The following NR3C2 variants were observed in gnomAD, a reference collection of about 807,000 sequenced individuals.
The protein encoded by NR3C2 is mineralocorticoid receptor.
NR3C2 carries 15 observed loss-of-function variants against 86.4 expected under a neutral mutation model. The ratio of observed to expected loss-of-function variants is 0.17; its 90% CI spans 0.12 to 0.27. The LOEUF is 0.27. Among genes scored for constraint, NR3C2 ranks in the 10% least tolerant of loss-of-function variants. NR3C2 has a pLI of 1.00. For missense variants in NR3C2, 960 were observed against 1,195.6 expected (o/e 0.80, Z 2.91); for synonymous variants, 458 against 450.5 (o/e 1.02, Z -0.21).
intron 4 of NR3C2, among the ~76,000 whole-genome samples, chr4:148,185,253 G>C (rs979349441): frequency 1.3e-5 from 2 of 152,256 alleles, no homozygotes; most frequent in Non-Finnish European, 2.9e-5. Flanking sequence ...GTGAGTGACA[G>C]AGCAATGGCT....
intron 3 of NR3C2, among the ~76,000 whole-genome samples, chr4:148,204,510 T>A (rs1736903222): frequency 6.6e-6 from 1 of 152,216 alleles, no homozygotes; most frequent in South Asian, 2.1e-4. Context: ...GGTCATATTA[T>A]CCCCATTTTG....
chr4:148,307,175 A>G (rs930422234), intron 2 of NR3C2, among the ~76,000 whole-genome samples: 3 of 152,174 alleles, frequency 2.0e-5, no homozygotes, highest in African/African-American at 7.2e-5. Context: ...AAATGCAAAA[A>G]AAAAACTTGG....
chr4:148,134,637 C>CTTTTT (rs1733196913), intron 6 of NR3C2, among the ~76,000 whole-genome samples: 1 of 61,910 alleles, frequency 1.6e-5, no homozygotes, highest in Non-Finnish European at 3.5e-5. Context: ...CTCTCTCTCT[C>CTTTTT]TCTCTCTTTT....
In NR3C2 at chr4:148,321,529, C is replaced by T. The variant is rs1470457876; in HGVS notation, c.1758-61412G>A. ...TGGGAGTCTAAGTCTCTTTGTAGGT[C>T]ACTCAGGACTTGCTTCATGAATCTT... is the stretch of plus-strand genomic sequence containing the variant. On this transcript the variant is annotated intron_variant, in intron 2 of 8. Coordinates refer to ENST00000358102, the MANE Select transcript of NR3C2 (RefSeq NM_000901.5). 2.6e-5 allele frequency among the ~76,000 whole-genome samples: 4 copies of T among 152,174 alleles called. No homozygotes were observed. The East Asian group carries it at 7.7e-4, about 29-fold the overall frequency.
At position 148,157,171 on chromosome 4, in the gene NR3C2, G is replaced by C. The variant is rs202221354; in HGVS notation, c.2015-2270C>G. On this transcript the variant is annotated intron_variant, in intron 4 of 8. Coordinates refer to ENST00000358102, the MANE Select transcript of NR3C2 (RefSeq NM_000901.5). ...GGACTGTTGTGGGGTGGGGGGAGGG[G>C]GGAGGGATAGCATTAGGAGATATAC... is the stretch of plus-strand genomic sequence containing the variant. Among the ~76,000 whole-genome samples the C allele has an allele frequency of 2.2e-4, 23 of 103,992 alleles. 1 individual carries two copies. In the East Asian group the frequency reaches 8.2e-3, roughly 37 times the overall value. 68.2% of individuals were successfully genotyped at this position (103,992 alleles called of 152,430 possible).
intron 2 of NR3C2, among the ~76,000 whole-genome samples, chr4:148,425,376 G>A (rs1053353564): frequency 6.6e-6 from 1 of 152,206 alleles, no homozygotes; most frequent in African/African-American, 2.4e-5. Flanking sequence ...GACAAAGAAG[G>A]TGATGTGTTA....
intron 3 of NR3C2, 93 bp downstream of exon 3, chr4:148,259,885 G>C: frequency 2.0e-6 from 3 of 1,507,588 alleles, no homozygotes; most frequent in Non-Finnish European, 1.8e-6. Flanking sequence ...AAATCTTTTT[G>C]AAGAATTCCC....
intron 7 of NR3C2, among the ~76,000 whole-genome samples, chr4:148,119,064 T>C (rs1173019978): frequency 1.3e-5 from 2 of 152,156 alleles, no homozygotes; most frequent in Admixed American, 6.5e-5. Flanking sequence ...GTCACCCCAC[T>C]GCTCAAAAGC....
chr4:148,155,709 G>C (rs996432703), intron 4 of NR3C2, among the ~76,000 whole-genome samples: 1 of 150,378 alleles, frequency 6.6e-6, no homozygotes, highest in Non-Finnish European at 1.5e-5. Context: ...TAGATTCAAT[G>C]CCATCCCCAT....
At chr4:148,442,675 T>C (rs61760025), upstream of NR3C2, 1 of 985,346 alleles carries the variant, frequency 1.0e-6, no homozygotes, top group Non-Finnish European at 1.2e-6. Context: ...GCGGGCGACA[T>C]GACTGATACA....
At chr4:148,155,789 A>G (rs949318103) in intron 4 of NR3C2, among the ~76,000 whole-genome samples, 2 of 152,102 alleles carry the variant, frequency 1.3e-5, no homozygotes, top group African/African-American at 2.4e-5. Flanking sequence ...ACCAAAAAAG[A>G]GCCTGCATCG....
At chr4:148,267,631 A>G (rs1464428125) in intron 2 of NR3C2, among the ~76,000 whole-genome samples, 1 of 152,080 alleles carries the variant, frequency 6.6e-6, no homozygotes, top group African/African-American at 2.4e-5. Flanking sequence ...GGATTTCAAC[A>G]TTTCTTCTAA....
chr4:148,410,703 A>T (rs1479527262), intron 2 of NR3C2, among the ~76,000 whole-genome samples: 1 of 152,204 alleles, frequency 6.6e-6, no homozygotes, highest in East Asian at 1.9e-4. Context: ...GCAAGTTAAC[A>T]TGAACATCTT....
At chr4:148,150,243 G>A (rs1208818649) in intron 6 of NR3C2, among the ~76,000 whole-genome samples, 4 of 152,158 alleles carry the variant, frequency 2.6e-5, no homozygotes, top group African/African-American at 9.7e-5. Flanking sequence ...TTCCTCCTAG[G>A]GGAAGTTTGG....
chr4:148,388,033 G>C (rs1747356223), intron 2 of NR3C2, among the ~76,000 whole-genome samples: 1 of 152,140 alleles, frequency 6.6e-6, no homozygotes, highest in South Asian at 2.1e-4. Flanking sequence ...AGTCATTCTT[G>C]AGCTACCCAA....
At chr4:148,234,750 G>A (rs1484315935) in intron 3 of NR3C2, among the ~76,000 whole-genome samples, 2 of 151,464 alleles carry the variant, frequency 1.3e-5, no homozygotes, top group African/African-American at 4.8e-5. Context: ...CAATACATGG[G>A]TTACTAGGGA....
At chr4:148,099,207 T>A (rs1396223225) in intron 8 of NR3C2, among the ~76,000 whole-genome samples, 3 of 152,148 alleles carry the variant, frequency 2.0e-5, no homozygotes, top group Non-Finnish European at 1.5e-5. Context: ...ACATAAGGGG[T>A]CCCTCGTTCA....
At chr4:148,361,886 G>A (rs1745856856) in intron 2 of NR3C2, among the ~76,000 whole-genome samples, 1 of 152,116 alleles carries the variant, frequency 6.6e-6, no homozygotes, top group South Asian at 2.1e-4. Context: ...CACCAAGGCT[G>A]GAGTGCAGTG....
At chr4:148,220,508 T>A (rs1315820086) in intron 3 of NR3C2, among the ~76,000 whole-genome samples, 1 of 152,170 alleles carries the variant, frequency 6.6e-6, no homozygotes, top group Non-Finnish European at 1.5e-5. Context: ...ATAGAAACCA[T>A]CAGAAAACAT....
Sources: allele counts gnomAD v4.1 joint callset (sites outside exome capture counted in the v4.1 genomes callset), GRCh38; gene constraint gnomAD v4.1.1; transcripts MANE v1.5; gene names NCBI Gene and HGNC (gene_info 2026-07-23, HGNC 2026-07-21).